Variants in ABCG8 observed in about 807,000 individuals in gnomAD.
ABCG8 encodes ATP binding cassette subfamily G member 8.
A neutral mutation model predicts 71.3 loss-of-function variants in ABCG8; 81 were observed. The ratio of observed to expected loss-of-function variants is 1.14; its 90% CI spans 0.95 to 1.37. The LOEUF (loss-of-function observed/expected upper bound fraction) is 1.37. ABCG8 is among the 40% of genes most tolerant of loss of function. ABCG8 has a pLI of 0.00. For synonymous variants in ABCG8, 451 were observed against 354.7 expected, an observed-to-expected ratio of 1.27 and a Z score of -3.05; for missense variants, 1,119 against 866.2, an observed-to-expected ratio of 1.29 and a Z score of -3.66.
In ABCG8 at chr2:43,871,979, A is replaced by T. The variant is rs568259494; in HGVS notation, c.968A>T (p.Asp323Val). Residue 323 changes from aspartate to valine, a missense_variant, in exon 7 of 13, where the codon GAC becomes GTC. Physicochemically the swap from Asp to Val is radical, Grantham distance 152 (BLOSUM62 -3). Transcript: ENST00000272286. ...RYSNPADFYV[D>V]LTSIDRRSRE... is the part of the protein sequence containing the mutation. ...ACTCCACATCCCCTGCTTGCAGTGG[A>T]CCTGACCAGCATTGACAGGCGCAGC... 6.1e-5 allele frequency: 99 copies of T among 1,614,000 alleles called. No individual in the cohort carries two copies. In the South Asian group the frequency reaches 9.1e-4, roughly 15 times the overall value.
At chr2:43,855,710 C>G (rs1669079926) in intron 6 of ABCG8, among the ~76,000 whole-genome samples, 1 of 152,072 alleles carries the variant, frequency 6.6e-6, no homozygotes, top group Non-Finnish European at 1.5e-5. Flanking sequence ...GGATAGAACT[C>G]TCACTATCTA....
At chr2:43,869,339 C>CTTA (rs1476921461) in intron 6 of ABCG8, among the ~76,000 whole-genome samples, 1 of 151,772 alleles carries the variant, frequency 6.6e-6, no homozygotes, top group Non-Finnish European at 1.5e-5. Flanking sequence ...GGATAGAATT[C>CTTA]TTACCCTCTG....
rs1670139440 is a variant in ABCG8, at chr2:43,881,815, G to T, written c.*3902G>T. 1 of 152,048 alleles carries T rather than the reference G, an allele frequency of 6.6e-6. No individual in the cohort carries two copies. The highest frequency in any genetic ancestry group is 1.5e-5 in the Non-Finnish European group (1 of 68,038). The allele number at this position is 152,048 out of a possible 1,614,324, so 9.4% of individuals were successfully genotyped here. A position where few individuals can be genotyped will look rare whatever the true frequency, so the allele number is the denominator to read the frequency against. On this transcript the variant is annotated 3_prime_UTR_variant, in exon 13 of 13. Coordinates refer to ENST00000272286, the MANE Select transcript of ABCG8 (RefSeq NM_022437.3). ...ATTTGTTTATTTGTCAGTATTGAAA[G>T]CATGGCTTGCAAAGTTTTCCTGTTA...
chr2:43,856,576 A>G (rs978692419), intron 6 of ABCG8, among the ~76,000 whole-genome samples: 1 of 151,846 alleles, frequency 6.6e-6, no homozygotes, highest in Admixed American at 6.6e-5. Context: ...CCCCATGTAG[A>G]TAGAACTCTC....
Position 43,877,692 on chromosome 2 carries a change from A to C in ABCG8, c.1884+4A>C. 6.2e-7 allele frequency: 1 copy of C among 1,614,062 alleles called. No homozygotes were observed. Among genetic ancestry groups the C allele is most frequent in the Non-Finnish European group, 8.5e-7 (1 of 1,179,980 alleles). ...CATCGCGGTCTCAGGAGATAAAGTA[A>C]GCGGGGAAGGCCTCGGGTTCTAAAT... is the stretch of plus-strand genomic sequence containing the variant. On this transcript the variant is annotated splice_donor_region_variant and intron_variant, in intron 12 of 12. Transcript: ENST00000272286.
chr2:43,881,743 A>T lies in ABCG8; in HGVS notation c.*3830A>T, dbSNP rs1230927334. The stretch of plus-strand genomic sequence containing the variant: ...AAAAAAAACCCAAGGCTCTCGAGGC[A>T]TGCATGCTGTTCAGCGAGCCCTGCC... On this transcript the variant is annotated 3_prime_UTR_variant, in exon 13 of 13. Coordinates refer to ENST00000272286, the MANE Select transcript of ABCG8 (RefSeq NM_022437.3). 6.6e-6 allele frequency: 1 copy of T among 150,882 alleles called. No individual in the cohort carries two copies. The allele number at this position is 150,882 out of a possible 1,614,324, so 9.3% of individuals were successfully genotyped here.
chr2:43,863,855 T>G (rs1669425049), intron 6 of ABCG8, among the ~76,000 whole-genome samples: 1 of 151,780 alleles, frequency 6.6e-6, no homozygotes, highest in Admixed American at 6.6e-5. Context: ...TCTCACTATC[T>G]GTCTAGGTAG....
At chr2:43,861,328 A>G (rs1009225863) in intron 6 of ABCG8, among the ~76,000 whole-genome samples, 4 of 151,062 alleles carry the variant, frequency 2.6e-5, no homozygotes, top group Admixed American at 6.6e-5. Flanking sequence ...CTCACTATCT[A>G]TCTGGATAGA....
chr2:43,870,653 C>A (rs1472614996), intron 6 of ABCG8, among the ~76,000 whole-genome samples: 1 of 152,004 alleles, frequency 6.6e-6, no homozygotes, highest in Non-Finnish European at 1.5e-5. Context: ...AGAATTCTCA[C>A]CATCTGCATA....
chr2:43,839,204 C>T, intron 1 of ABCG8, 88 bp downstream of exon 1: 1 of 1,375,700 alleles, frequency 7.3e-7, no homozygotes, highest in Non-Finnish European at 1.0e-6. Flanking sequence ...GCCTTCTGTC[C>T]TAGCACCACC....
intron 1 of ABCG8, among the ~76,000 whole-genome samples, chr2:43,839,408 T>C (rs1194443647): frequency 0.01 from 117 of 11,532 alleles, 1 homozygote; most frequent in Non-Finnish European, 0.015. Flanking sequence ...CTTCTCTTTT[T>C]TTTTTTTTTT....
intron 1 of ABCG8, among the ~76,000 whole-genome samples, chr2:43,843,990 T>C (rs1042446821): frequency 3.3e-5 from 5 of 152,118 alleles, no homozygotes; most frequent in Non-Finnish European, 5.9e-5. Flanking sequence ...TTGGTTAGAA[T>C]TTTTCTCAGG....
chr2:43,857,617 T>A, intron 6 of ABCG8, among the ~76,000 whole-genome samples: 1 of 151,658 alleles, frequency 6.6e-6, no homozygotes, highest in Non-Finnish European at 1.5e-5. Flanking sequence ...CTGGATAGAA[T>A]TCTCACCACC....
intron 6 of ABCG8, among the ~76,000 whole-genome samples, chr2:43,854,209 G>A (rs1446690679): frequency 2.0e-5 from 3 of 152,204 alleles, no homozygotes; most frequent in Non-Finnish European, 4.4e-5. Flanking sequence ...GGATGCAAGA[G>A]CTACACGGGG....
chr2:43,843,907 C>T (rs972457816), intron 1 of ABCG8, among the ~76,000 whole-genome samples: 4 of 152,176 alleles, frequency 2.6e-5, no homozygotes, highest in Non-Finnish European at 5.9e-5. Flanking sequence ...TTTTCCATCA[C>T]TTTGTTGCAT....
chr2:43,859,365 A>G (rs990509202), intron 6 of ABCG8, among the ~76,000 whole-genome samples: 1 of 151,126 alleles, frequency 6.6e-6, no homozygotes, highest in Non-Finnish European at 1.5e-5. Context: ...ATCTGTCTAG[A>G]TAGAATTTTC....
intron 1 of ABCG8, among the ~76,000 whole-genome samples, chr2:43,840,183 A>G (rs1187524407): frequency 2.0e-5 from 3 of 152,128 alleles, no homozygotes; most frequent in Admixed American, 6.5e-5. Context: ...TCCACACCCA[A>G]TGGGGAAAAC....
At chr2:43,840,755 C>CA (rs1668558107) in intron 1 of ABCG8, among the ~76,000 whole-genome samples, 2 of 152,230 alleles carry the variant, frequency 1.3e-5, no homozygotes, top group South Asian at 4.1e-4. Context: ...GCCCGAGCCA[C>CA]AACCTGTCCC....
At position 43,846,280 on chromosome 2, in the gene ABCG8, T is replaced by C. The variant is rs147033790; in HGVS notation, c.291T>C (p.Ser97=). 8.7e-6 allele frequency: 14 copies of C among 1,614,018 alleles called. No homozygotes were observed. The highest frequency in any genetic ancestry group is 4.0e-5 in the African/African-American group (3 of 74,908). Residue 97 remains serine (S), a synonymous_variant, in exon 3 of 13, where the codon AGT becomes AGC. Transcript: ENST00000272286. ...AGAACCTAAGCTTCAAAGTGAGAAG[T>C]GGGCAGATGCTGGCCATCATAGGGA... ...GIQNLSFKVR[S]GQMLAIIGSS...
Sources: gnomAD v4.1 joint callset for allele counts (sites outside exome capture counted in the v4.1 genomes callset) on GRCh38, gnomAD v4.1.1 for gene constraint, MANE v1.5 for transcripts, NCBI Gene and HGNC (gene_info 2026-07-23, HGNC 2026-07-21) for gene names.